The following STXBP5L variants were observed in gnomAD, a reference collection of about 807,000 sequenced individuals.
STXBP5L encodes syntaxin binding protein 5L, also known as syntaxin-binding protein 5-like.
In STXBP5L, 65 loss-of-function variants were observed where a neutral mutation model predicts 144.5. The ratio of observed to expected loss-of-function variants is 0.45; its 90% CI spans 0.37 to 0.55. The LOEUF is 0.55. STXBP5L is among the 20% of genes least tolerant of loss of function. STXBP5L has a pLI of 0.00. For synonymous variants in STXBP5L, 505 were observed against 469.6 expected (o/e 1.08, Z -0.97); for missense variants, 1,298 against 1,405.5 (o/e 0.92, Z 1.22).
intron 3 of STXBP5L, among the ~76,000 whole-genome samples, chr3:121,018,452 A>T (rs1945297413): frequency 6.6e-6 from 1 of 151,860 alleles, no homozygotes; most frequent in African/African-American, 2.4e-5. Flanking sequence ...ACAAAGAAAC[A>T]ATGGCAATTC....
At chr3:121,074,583 T>G (rs1474055983) in intron 5 of STXBP5L, among the ~76,000 whole-genome samples, 1 of 152,188 alleles carries the variant, frequency 6.6e-6, no homozygotes, top group Non-Finnish European at 1.5e-5. Flanking sequence ...CCTGGGGGAC[T>G]GTCTTCCACC....
At chr3:121,120,486 C>T (rs147503871) in intron 6 of STXBP5L, among the ~76,000 whole-genome samples, 1 of 151,322 alleles carries the variant, frequency 6.6e-6, no homozygotes, top group Non-Finnish European at 1.5e-5. Context: ...TTATTGAATG[C>T]ACACTATGTT....
At chr3:121,280,029 T>G in intron 19 of STXBP5L, 73 bp downstream of exon 19, 1 of 1,521,046 alleles carries the variant, frequency 6.6e-7, no homozygotes, top group Non-Finnish European at 8.9e-7. Context: ...TTTCTTGTCT[T>G]TCTTCTCTGA....
chr3:121,087,557 A>T (rs1443127713), intron 5 of STXBP5L, among the ~76,000 whole-genome samples: 1 of 152,026 alleles, frequency 6.6e-6, no homozygotes, highest in Non-Finnish European at 1.5e-5. Context: ...AAAGTTAGCT[A>T]TGTTAATATA....
intron 5 of STXBP5L, among the ~76,000 whole-genome samples, chr3:121,085,991 A>G (rs534391468): frequency 2.6e-5 from 4 of 152,272 alleles, no homozygotes; most frequent in African/African-American, 9.6e-5. Flanking sequence ...AATAGAACAG[A>G]ATAAAGATCT....
chr3:121,357,859 C>G (rs1391797916), intron 20 of STXBP5L: 4 of 152,216 alleles, frequency 2.6e-5, no homozygotes, highest in Non-Finnish European at 4.4e-5. Context: ...GCCACAACCA[C>G]AGACAGCAAT....
chr3:121,157,679 C>G, intron 9 of STXBP5L, 52 bp downstream of exon 9: 1 of 1,563,972 alleles, frequency 6.4e-7, no homozygotes, highest in Non-Finnish European at 8.6e-7. Context: ...AGTGCCTTGA[C>G]TTGAAGTAAG....
At chr3:121,105,607 G>A (rs2043663743) in intron 5 of STXBP5L, among the ~76,000 whole-genome samples, 1 of 152,052 alleles carries the variant, frequency 6.6e-6, no homozygotes, top group South Asian at 2.1e-4. Flanking sequence ...CTGTTGGTGG[G>A]AATGTAAACT....
Position 121,233,662 on chromosome 3 carries a change from C to T in STXBP5L, c.1158C>T (p.Leu386=). The T allele has an allele frequency of 3.7e-6, 6 of 1,612,452 alleles. No individual in the cohort carries two copies. Among genetic ancestry groups the T allele is most frequent in the Non-Finnish European group, 5.1e-6 (6 of 1,179,122 alleles). The change falls in exon 12 of 27, where the codon CTC becomes CTT. Residue 386 remains leucine (L), a synonymous_variant. Coordinates refer to ENST00000471454, the MANE Select transcript of STXBP5L (RefSeq NM_001308330.2). ...TCGTGGTACTTCTGGAGAAAGATCT[C>T]ATTGTAGTTGATCTGACACAAAGCA... is the stretch of plus-strand genomic sequence containing the variant. The part of the protein sequence containing the change: ...YAVVVLLEKD[L]IVVDLTQSNF...
intron 9 of STXBP5L, among the ~76,000 whole-genome samples, chr3:121,205,528 C>G (rs1227264702): frequency 6.6e-6 from 1 of 152,142 alleles, no homozygotes; most frequent in Non-Finnish European, 1.5e-5. Context: ...TTTTGGGGGA[C>G]ACATTCAAAC....
chr3:121,055,273 G>T lies in STXBP5L; in HGVS notation c.470+9738G>T, dbSNP rs535477925. On this transcript the variant is annotated intron_variant, in intron 5 of 26. Coordinates refer to ENST00000471454, the MANE Select transcript of STXBP5L (RefSeq NM_001308330.2). ...AATGGGAGGTTCAGGTCCTATAGGAGAATTTAACCAAGCATCTTTTGGGAC... is the reference window on the plus strand; with the variant it reads ...AATGGGAGGTTCAGGTCCTATAGGATAATTTAACCAAGCATCTTTTGGGAC... 2.0e-5 allele frequency among the ~76,000 whole-genome samples: 3 copies of T among 152,172 alleles called. No individual in the cohort carries two copies. In the South Asian group the frequency reaches 6.2e-4, roughly 32 times the overall value.
chr3:120,962,611 G>C (rs146936599), intron 3 of STXBP5L, among the ~76,000 whole-genome samples: 17,946 of 151,742 alleles, frequency 0.12, 1,752 homozygotes, highest in African/African-American at 0.24. Flanking sequence ...ATTTCTGAGG[G>C]CTCTGTTCTG....
At chr3:121,243,778 A>T (rs1405085694) in intron 14 of STXBP5L, among the ~76,000 whole-genome samples, 3 of 152,214 alleles carry the variant, frequency 2.0e-5, no homozygotes, top group Non-Finnish European at 4.4e-5. Context: ...AAAATATAGT[A>T]ATTCTCCATC....
In STXBP5L at chr3:121,407,322, TG is replaced by T; in HGVS notation, c.2668del (p.Glu890LysfsTer9). The T allele has an allele frequency of 6.2e-7, 1 of 1,612,608 alleles. No homozygotes were observed. Among genetic ancestry groups the T allele is most frequent in the Non-Finnish European group, 8.5e-7 (1 of 1,179,180 alleles). On this transcript the variant is annotated frameshift_variant, in exon 23 of 27. Coordinates refer to ENST00000471454, the MANE Select transcript of STXBP5L (RefSeq NM_001308330.2). LOFTEE classifies it high-confidence loss of function. ...TGGGTGGATTAATGCAACCGCCATA[TG>T]AAGTTTGGAGGGATCCAAACAACAT... The part of the protein sequence containing the change: ...RMGGLMQPPY[E>X]VWRDPNNIDE...
chr3:121,082,958 G>A (rs1244420661), intron 5 of STXBP5L, among the ~76,000 whole-genome samples: 3 of 152,136 alleles, frequency 2.0e-5, no homozygotes, highest in African/African-American at 7.2e-5. Flanking sequence ...CAGCACTTTG[G>A]GAGGCTGAGG....
At chr3:121,206,346 A>G (rs927487420) in intron 10 of STXBP5L, among the ~76,000 whole-genome samples, 1 of 152,192 alleles carries the variant, frequency 6.6e-6, no homozygotes, top group Non-Finnish European at 1.5e-5. Context: ...AAAGACTTAA[A>G]TACATAACCA....
intron 5 of STXBP5L, among the ~76,000 whole-genome samples, chr3:121,053,149 T>C (rs893615329): frequency 1.3e-5 from 2 of 152,046 alleles, no homozygotes; most frequent in African/African-American, 4.8e-5. Context: ...ATCAATATCG[T>C]GAAAATGGCC....
intron 5 of STXBP5L, among the ~76,000 whole-genome samples, chr3:121,095,801 C>G (rs1323785132): frequency 6.6e-6 from 1 of 152,186 alleles, no homozygotes; most frequent in African/African-American, 2.4e-5. Flanking sequence ...AAGTCATTCT[C>G]CATCCAGCTT....
chr3:121,342,603 T>A (rs2044760345), intron 20 of STXBP5L, among the ~76,000 whole-genome samples: 1 of 151,294 alleles, frequency 6.6e-6, no homozygotes, highest in Non-Finnish European at 1.5e-5. Flanking sequence ...AGTGTTTGGT[T>A]TTTTGTTCTT....
Sources: allele counts gnomAD v4.1 joint callset (sites outside exome capture counted in the v4.1 genomes callset), GRCh38; gene constraint gnomAD v4.1.1; transcripts MANE v1.5; gene names NCBI Gene and HGNC (gene_info 2026-07-23, HGNC 2026-07-21).